ALG6: variants seen among roughly 807,000 people sequenced by gnomAD.
ALG6 encodes ALG6 alpha-1,3-glucosyltransferase, also known as dolichyl pyrophosphate Man9GlcNAc2 alpha-1,3-glucosyltransferase.
In ALG6, 46 loss-of-function variants were observed where a neutral mutation model predicts 66.6. The observed-to-expected ratio is 0.69, with a 90% CI of 0.55 to 0.88. The LOEUF (loss-of-function observed/expected upper bound fraction) is 0.88. Among genes scored for constraint, ALG6 ranks in the 40% least tolerant of loss-of-function variants. ALG6 has a pLI of 0.00. For missense variants in ALG6, 505 were observed against 586.8 expected, an observed-to-expected ratio of 0.86 and a Z score of 1.44; for synonymous variants, 185 against 203.7, an observed-to-expected ratio of 0.91 and a Z score of 0.78.
At chr1:63,407,952 A>T (rs928628456) in intron 7 of ALG6, among the ~76,000 whole-genome samples, 22 of 152,296 alleles carry the variant, frequency 1.4e-4, no homozygotes, top group Non-Finnish European at 2.9e-4. Flanking sequence ...GATCATGGCT[A>T]TCAGATACTC....
intron 12 of ALG6, among the ~76,000 whole-genome samples, chr1:63,419,728 A>C (rs1365441966): frequency 6.6e-6 from 1 of 152,180 alleles, no homozygotes; most frequent in African/African-American, 2.4e-5. Context: ...AGAGGTTTTC[A>C]TCAGATTGGA....
intron 2 of ALG6, among the ~76,000 whole-genome samples, chr1:63,375,440 A>C (rs1247730053): frequency 1.9e-5 from 2 of 106,156 alleles, no homozygotes; most frequent in Non-Finnish European, 3.7e-5. Context: ...TTTTTTTTCC[A>C]GTAGAGACAG....
rs181506709 is a variant in ALG6, at chr1:63,426,569, G to A, written c.1059-2164G>A. 4.1e-4 allele frequency among the ~76,000 whole-genome samples: 63 copies of A among 152,216 alleles called. No individual in the cohort carries two copies. In the East Asian group the frequency reaches 8.3e-3, roughly 20 times the overall value. On this transcript the variant is annotated intron_variant, in intron 12 of 14. Transcript: ENST00000263440. ...TGTAGTAAGTTTTTTTAAGAGACAA[G>A]GTCTCACTTAGTCACCCAGGCTGGA...
intron 1 of ALG6, among the ~76,000 whole-genome samples, chr1:63,368,031 T>G (rs1408005927): frequency 6.6e-6 from 1 of 152,074 alleles, no homozygotes; most frequent in African/African-American, 2.4e-5. Flanking sequence ...TCCCCGGTGT[T>G]GTGTCCACTG....
At chr1:63,430,138 C>A (rs1447203550) in intron 14 of ALG6, among the ~76,000 whole-genome samples, 1 of 152,162 alleles carries the variant, frequency 6.6e-6, no homozygotes, top group African/African-American at 2.4e-5. Flanking sequence ...GCCTTGGCCT[C>A]CCAAAGTGCT....
At chr1:63,431,904 A>G (rs764647460) in intron 14 of ALG6, among the ~76,000 whole-genome samples, 4 of 152,112 alleles carry the variant, frequency 2.6e-5, no homozygotes, top group Non-Finnish European at 5.9e-5. Flanking sequence ...TTTTTAATGG[A>G]TTTCCTACAG....
At chr1:63,427,380 A>G (rs1478353160) in intron 12 of ALG6, among the ~76,000 whole-genome samples, 1 of 152,070 alleles carries the variant, frequency 6.6e-6, no homozygotes, top group Non-Finnish European at 1.5e-5. Flanking sequence ...TAGTTGACAT[A>G]GGAAAAAGTC....
chr1:63,420,657 G>A (rs1262345691), intron 12 of ALG6, among the ~76,000 whole-genome samples: 2 of 151,384 alleles, frequency 1.3e-5, no homozygotes, highest in African/African-American at 2.4e-5. Context: ...TCAGGAGATC[G>A]ACACCATCCT....
At chr1:63,409,477 C>G (rs1644506161) in intron 7 of ALG6, among the ~76,000 whole-genome samples, 3 of 152,080 alleles carry the variant, frequency 2.0e-5, no homozygotes, top group Admixed American at 2.0e-4. Context: ...TTTTGCATCC[C>G]TTTCTCTTTT....
chr1:63,373,114 C>G (rs1265741818), intron 2 of ALG6, among the ~76,000 whole-genome samples: 3 of 152,028 alleles, frequency 2.0e-5, no homozygotes, highest in African/African-American at 7.2e-5. Flanking sequence ...TGCAGTGATT[C>G]TGCTGCCTCA....
intron 5 of ALG6, among the ~76,000 whole-genome samples, chr1:63,405,258 T>C (rs1195072659): frequency 6.6e-6 from 1 of 152,130 alleles, no homozygotes; most frequent in East Asian, 1.9e-4. Context: ...TCTCCAATGC[T>C]TTAATCCTTT....
chr1:63,373,542 C>T (rs1452017034), intron 2 of ALG6, among the ~76,000 whole-genome samples: 1 of 151,226 alleles, frequency 6.6e-6, no homozygotes, highest in Non-Finnish European at 1.5e-5. Flanking sequence ...TTGCAGTGAG[C>T]CAAGATCATC....
At chr1:63,377,532 A>G (rs1324411907) in intron 2 of ALG6, among the ~76,000 whole-genome samples, 1 of 152,146 alleles carries the variant, frequency 6.6e-6, no homozygotes, top group Non-Finnish European at 1.5e-5. Flanking sequence ...TCAGTTGCAT[A>G]TTTAACTTAA....
At chr1:63,396,155 T>C (rs1648818697) in intron 2 of ALG6, among the ~76,000 whole-genome samples, 1 of 152,140 alleles carries the variant, frequency 6.6e-6, no homozygotes, top group Non-Finnish European at 1.5e-5. Flanking sequence ...TACTGAGGGA[T>C]GATTGTAATG....
chr1:63,400,109 G>C (rs1183841173), intron 3 of ALG6, among the ~76,000 whole-genome samples: 1 of 146,424 alleles, frequency 6.8e-6, no homozygotes, highest in South Asian at 2.2e-4. Flanking sequence ...CAGGAGAATC[G>C]CTTGAACCTG....
chr1:63,404,709 A>G (rs1175982264), intron 5 of ALG6, among the ~76,000 whole-genome samples, 168 bp downstream of exon 5: 1 of 152,182 alleles, frequency 6.6e-6, no homozygotes, highest in Non-Finnish European at 1.5e-5. Context: ...CCAAATGTAT[A>G]TGTAAGCTAA....
At chr1:63,406,629 A>G (rs932665824) in intron 6 of ALG6, among the ~76,000 whole-genome samples, 4 of 152,106 alleles carry the variant, frequency 2.6e-5, no homozygotes, top group Admixed American at 6.6e-5. Context: ...GTTGAACTAC[A>G]TGCCTTGCTG....
chr1:63,420,471 T>A (rs535552885), intron 12 of ALG6, among the ~76,000 whole-genome samples: 1 of 152,328 alleles, frequency 6.6e-6, no homozygotes, highest in East Asian at 1.9e-4. Flanking sequence ...GACACTGAAC[T>A]TCTAGGGGTT....
intron 14 of ALG6, among the ~76,000 whole-genome samples, chr1:63,436,183 G>T (rs1644677516): frequency 2.6e-5 from 4 of 152,044 alleles, no homozygotes; most frequent in Admixed American, 2.6e-4. Context: ...CAGAATAGAT[G>T]TATATATTTT....
Sources: gnomAD v4.1 joint callset for allele counts (sites outside exome capture counted in the v4.1 genomes callset) on GRCh38, gnomAD v4.1.1 for gene constraint, MANE v1.5 for transcripts, NCBI Gene and HGNC (gene_info 2026-07-23, HGNC 2026-07-21) for gene names.